PCDHGA5: variants seen among roughly 807,000 people sequenced by gnomAD.
The protein encoded by PCDHGA5 is protocadherin gamma subfamily A, 5, also known as protocadherin gamma-A5.
Under a neutral mutation model 56.7 loss-of-function variants are expected in PCDHGA5, and 36 were observed. That is an observed-to-expected ratio of 0.64 (90% CI 0.49 to 0.84). PCDHGA5 has a LOEUF of 0.84. Ranked by LOEUF, PCDHGA5 falls within the 40% of genes least tolerant of loss-of-function variation. The pLI, the probability that PCDHGA5 is intolerant of heterozygous loss-of-function variation, is 0.00. For synonymous variants in PCDHGA5, 563 were observed against 520.2 expected (o/e 1.08, Z -1.12); for missense variants, 1,305 against 1,201.5 (o/e 1.09, Z -1.27).
chr5:141,455,140 A>G (rs1465733732), intron 1 of PCDHGA5, among the ~76,000 whole-genome samples: 1 of 150,512 alleles, frequency 6.6e-6, no homozygotes, highest in Non-Finnish European at 1.5e-5. Context: ...ACACTGTGTT[A>G]AATAAATATT....
At chr5:141,416,217 G>A (rs1224952837) in intron 1 of PCDHGA5, 1 of 152,288 alleles carries the variant, frequency 6.6e-6, no homozygotes, top group Non-Finnish European at 1.5e-5. Flanking sequence ...AACAATGTAT[G>A]CTTAGATTTT....
chr5:141,393,614 C>T (rs971778718), intron 1 of PCDHGA5: 2 of 1,613,778 alleles, frequency 1.2e-6, no homozygotes, highest in Non-Finnish European at 1.7e-6. Flanking sequence ...TAACAGCCAG[C>T]GACCCGGATG....
rs779065098 is a variant in PCDHGA5 at position 141,491,758 on chromosome 5, C to T, written c.2422-3049C>T. 1.8e-5 allele frequency: 29 copies of T among 1,578,670 alleles called. No homozygotes were observed. Among genetic ancestry groups the T allele is most frequent in the Non-Finnish European group, 2.2e-5 (26 of 1,163,530 alleles). ...TGGGGGCGGCACTGGAGAAGCCGCC[C>T]GTCCTCATAAGGGATTGAACTTGCA... On this transcript the variant is annotated intron_variant, in intron 1 of 3. Transcript: ENST00000518069. The surrounding 1 kb of genome is among the most constrained non-coding windows in gnomAD (Gnocchi z 6.9).
In PCDHGA5 at chr5:141,389,708, G is replaced by C. The variant is rs773973967; in HGVS notation, c.2421+22957G>C. On this transcript the variant is annotated intron_variant, in intron 1 of 3. Coordinates refer to ENST00000518069, the MANE Select transcript of PCDHGA5 (RefSeq NM_018918.3). ...CCTGGCTGTCCTACCACGTGCTGCA[G>C]GCTAGCGAGCCCGGGCTCTTCAGCC... The C allele has an allele frequency of 4.3e-6, 7 of 1,612,610 alleles. No homozygotes were observed. In the South Asian group the frequency reaches 7.7e-5, roughly 18 times the overall value.
rs1763746744 is a variant in PCDHGA5, at chr5:141,365,116, C to G, written c.786C>G (p.Leu262=). 6.2e-7 allele frequency: 1 copy of G among 1,613,900 alleles called. No individual in the cohort carries two copies. The highest frequency in any genetic ancestry group is 8.5e-7 in the Non-Finnish European group (1 of 1,179,866). The change falls in exon 1 of 4, where the codon CTC becomes CTG. Residue 262 remains leucine, a synonymous_variant. Coordinates refer to ENST00000518069, the MANE Select transcript of PCDHGA5 (RefSeq NM_018918.3). ...ACATACCTGTGGGCACTCGGCTGCTCATGCTAACCGCCACGGATCCAGATG... is the reference window on the plus strand; with the variant it reads ...ACATACCTGTGGGCACTCGGCTGCTGATGCTAACCGCCACGGATCCAGATG... The part of the protein sequence containing the change: ...PENIPVGTRL[L]MLTATDPDEG...
chr5:141,510,944 C>T lies in PCDHGA5; in HGVS notation c.2570-3C>T, dbSNP rs772921698. 2 of 1,614,120 alleles carry T rather than the reference C, an allele frequency of 1.2e-6. No individual in the cohort carries two copies. Among genetic ancestry groups the T allele is most frequent in the South Asian group, 2.2e-5 (2 of 91,080 alleles). On this transcript the variant is annotated splice_region_variant and splice_polypyrimidine_tract_variant and intron_variant, in intron 3 of 3. Transcript: ENST00000518069. Reference sequence around the variant, plus strand: ...CCCACCTGATCTTCCTCTGTCTCTGCAGAAGCTGCTGATGGGAGCTCCACC... The same window carrying T: ...CCCACCTGATCTTCCTCTGTCTCTGTAGAAGCTGCTGATGGGAGCTCCACC...
intron 1 of PCDHGA5, chr5:141,383,343 T>TG (rs760440635): frequency 1.2e-6 from 2 of 1,613,888 alleles, no homozygotes; most frequent in Non-Finnish European, 1.7e-6. Flanking sequence ...ATACAGCTCC[T>TG]GGGGTTCGGT....
chr5:141,426,523 G>A (rs1018320941), intron 1 of PCDHGA5: 14 of 342,474 alleles, frequency 4.1e-5, no homozygotes, highest in African/African-American at 3.0e-4. Flanking sequence ...CGTGAACACG[G>A]AGAATGGGAA....
At chr5:141,452,954 T>A (rs1315313825) in intron 1 of PCDHGA5, among the ~76,000 whole-genome samples, 5 of 152,220 alleles carry the variant, frequency 3.3e-5, no homozygotes, top group Non-Finnish European at 1.5e-5. Context: ...ATTGGTTGTC[T>A]TTAAACTGAG....
At chr5:141,404,752 G>A (rs774409689) in intron 1 of PCDHGA5, 1 of 1,614,010 alleles carries the variant, frequency 6.2e-7, no homozygotes, top group Non-Finnish European at 8.5e-7. Context: ...ACTCAGGCCA[G>A]AATGCTTGGC....
Position 141,491,623 on chromosome 5 carries a change from G to T in PCDHGA5, c.2422-3184G>T. 1 of 1,613,930 alleles carries T rather than the reference G, an allele frequency of 6.2e-7. No homozygotes were observed. The highest frequency in any genetic ancestry group is 1.1e-5 in the South Asian group (1 of 91,084). On this transcript the variant is annotated intron_variant, in intron 1 of 3. Transcript: ENST00000518069. This position sits in a 1 kb window ranked among gnomAD's most constrained non-coding sequence, Gnocchi z 6.9. ...CTTCACTTTTCTAAGACCCCTCAGC[G>T]TTCAGCAGCCCACAGCTCTGGCGCT...
In PCDHGA5 at chr5:141,376,126, C is replaced by T. The variant is rs770848918; in HGVS notation, c.2421+9375C>T. 8 of 1,613,916 alleles carry T rather than the reference C, an allele frequency of 5.0e-6. No individual in the cohort carries two copies. In the East Asian group the frequency reaches 1.3e-4, roughly 27 times the overall value. On this transcript the variant is annotated intron_variant, in intron 1 of 3. Transcript: ENST00000518069. ...CCGACCTGGGCAGCCTCGAGCCCTCCGCCAAACCCAACGATTCGGACCTCA... is the reference window on the plus strand; with the variant it reads ...CCGACCTGGGCAGCCTCGAGCCCTCTGCCAAACCCAACGATTCGGACCTCA...
intron 1 of PCDHGA5, among the ~76,000 whole-genome samples, chr5:141,454,773 G>A (rs1272535268): frequency 6.9e-6 from 1 of 144,540 alleles, no homozygotes; most frequent in East Asian, 2.0e-4. Flanking sequence ...TTTTTTACAA[G>A]GAAATAATCC....
At position 141,512,881 on chromosome 5, in the gene PCDHGA5, C is replaced by T. The variant is rs1274589284; in HGVS notation, c.*1708C>T. 1.3e-5 allele frequency: 2 copies of T among 152,268 alleles called. No homozygotes were observed. Among genetic ancestry groups the T allele is most frequent in the African/African-American group, 4.8e-5 (2 of 41,458 alleles). 9.4% of individuals were successfully genotyped at this position (152,268 alleles called of 1,614,324 possible). On this transcript the variant is annotated 3_prime_UTR_variant, in exon 4 of 4. Coordinates refer to ENST00000518069, the MANE Select transcript of PCDHGA5 (RefSeq NM_018918.3). Reference sequence around the variant, plus strand: ...TCGCATAGTCACGTAGCTCCCACCCCACCCTCTTCCTGTGTCTCACGCAAG... The same window carrying T: ...TCGCATAGTCACGTAGCTCCCACCCTACCCTCTTCCTGTGTCTCACGCAAG...
At chr5:141,455,360 A>C (rs2098820130) in intron 1 of PCDHGA5, among the ~76,000 whole-genome samples, 1 of 152,112 alleles carries the variant, frequency 6.6e-6, no homozygotes, top group Non-Finnish European at 1.5e-5. Context: ...TTAATAGGCA[A>C]GAAGGAAGGG....
At chr5:141,371,734 A>T in intron 1 of PCDHGA5, 1 of 1,614,042 alleles carries the variant, frequency 6.2e-7, no homozygotes, top group Non-Finnish European at 8.5e-7. Flanking sequence ...GATGTCAACG[A>T]CAACGTTCCC....
Position 141,487,910 on chromosome 5 carries a change from C to T in PCDHGA5, c.2422-6897C>T, listed in dbSNP as rs2099668803. The T allele has an allele frequency of 3.0e-6, 2 of 661,468 alleles. No individual in the cohort carries two copies. Among genetic ancestry groups the T allele is most frequent in the Non-Finnish European group, 5.1e-6 (2 of 388,904 alleles). The allele number at this position is 661,468 out of a possible 1,614,324, so 41.0% of individuals were successfully genotyped here. ...AGCATGATGATGGAATGTGGGAGCA[C>T]AGGAGGCTACAGTGCACAGGGTACA... On this transcript the variant is annotated intron_variant, in intron 1 of 3. Transcript: ENST00000518069. The surrounding 1 kb of genome is among the most constrained non-coding windows in gnomAD (Gnocchi z 5.0).
At position 141,375,804 on chromosome 5, in the gene PCDHGA5, G is replaced by A. The variant is rs375695435; in HGVS notation, c.2421+9053G>A. 1,032 of 1,614,192 alleles carry A rather than the reference G, an allele frequency of 6.4e-4. 20 individuals carry two copies. In the South Asian group the frequency reaches 0.011, roughly 17 times the overall value. ...GCCCTCCCCACAGACGGTTCCACTG[G>A]CGTGGAGCTGGCGCCCCGCTCCGCA... On this transcript the variant is annotated intron_variant, in intron 1 of 3. Coordinates refer to ENST00000518069, the MANE Select transcript of PCDHGA5 (RefSeq NM_018918.3).
intron 1 of PCDHGA5, chr5:141,441,731 C>G: frequency 2.8e-6 from 1 of 362,226 alleles, no homozygotes; most frequent in South Asian, 2.2e-5. Context: ...GCGACCAGGA[C>G]TAGCTCGCGC....
Sources: allele counts gnomAD v4.1 joint callset (sites outside exome capture counted in the v4.1 genomes callset), GRCh38; gene constraint gnomAD v4.1.1; non-coding constraint Gnocchi (gnomAD v3.1); transcripts MANE v1.5; gene names NCBI Gene and HGNC (gene_info 2026-07-23, HGNC 2026-07-21).